Variants in PPP1R9A observed in about 807,000 individuals in gnomAD.
The protein encoded by PPP1R9A is protein phosphatase 1 regulatory subunit 9A.
PPP1R9A carries 59 observed loss-of-function variants against 141.9 expected under a neutral mutation model. The ratio of observed to expected loss-of-function variants is 0.42; its 90% confidence interval spans 0.34 to 0.52. The LOEUF (loss-of-function observed/expected upper bound fraction) is 0.52. Among genes scored for constraint, PPP1R9A ranks in the 20% least tolerant of loss-of-function variants. The pLI, the probability that PPP1R9A is intolerant of heterozygous loss-of-function variation, is 0.10. For missense variants in PPP1R9A, 1,444 were observed against 1,611.9 expected (o/e 0.90, Z 1.78); for synonymous variants, 500 against 569.7 (o/e 0.88, Z 1.74).
At chr7:95,139,572 C>T (rs1356224565) in intron 4 of PPP1R9A, among the ~76,000 whole-genome samples, 1 of 152,104 alleles carries the variant, frequency 6.6e-6, no homozygotes, top group Non-Finnish European at 1.5e-5. Flanking sequence ...TATTCTGTTG[C>T]AGTGAGGCAG....
intron 8 of PPP1R9A, among the ~76,000 whole-genome samples, chr7:95,238,323 G>A (rs936287481): frequency 2.0e-5 from 3 of 152,042 alleles, no homozygotes; most frequent in African/African-American, 7.2e-5. Context: ...TACACCAAAG[G>A]TTTCTACCAA....
chr7:95,024,989 C>CAT lies in PPP1R9A; in HGVS notation c.1396-86269_1396-86268insTA, dbSNP rs559104940. 6.1e-3 allele frequency among the ~76,000 whole-genome samples: 923 copies of CAT among 152,224 alleles called. 10 individuals carry two copies. Among genetic ancestry groups the CAT allele is most frequent in the African/African-American group, 0.021 (859 of 41,524 alleles). The stretch of plus-strand genomic sequence containing the variant: ...CAGGCCTGGTTGTGAGAAAATCTCT[C>CAT]AGCCTTTGCTTGTCTGTGAAGGATT... On this transcript the variant is annotated intron_variant, in intron 2 of 19. Coordinates refer to ENST00000433360, the MANE Select transcript of PPP1R9A (RefSeq NM_001166160.2).
At chr7:94,934,752 C>CAT (rs1189412759) in intron 2 of PPP1R9A, among the ~76,000 whole-genome samples, 1 of 150,788 alleles carries the variant, frequency 6.6e-6, no homozygotes, top group Non-Finnish European at 1.5e-5. Context: ...CGTCTATATA[C>CAT]ATATATATGT....
At chr7:95,041,116 C>T (rs756036161) in intron 2 of PPP1R9A, among the ~76,000 whole-genome samples, 20 of 152,020 alleles carry the variant, frequency 1.3e-4, no homozygotes, top group Non-Finnish European at 2.2e-4. Flanking sequence ...GAAGGAAGAA[C>T]GTGAACATTT....
chr7:95,013,896 A>T (rs186942475), intron 2 of PPP1R9A, among the ~76,000 whole-genome samples: 1 of 152,230 alleles, frequency 6.6e-6, no homozygotes, highest in Non-Finnish European at 1.5e-5. Context: ...AGATTGTAGA[A>T]AGAATTACAG....
chr7:95,285,336 T>G (rs1805082311), intron 17 of PPP1R9A, among the ~76,000 whole-genome samples: 1 of 152,228 alleles, frequency 6.6e-6, no homozygotes, highest in Non-Finnish European at 1.5e-5. Flanking sequence ...GAAGTTTTGA[T>G]AGCAGCACAT....
At chr7:95,144,429 G>C (rs560572349) in intron 4 of PPP1R9A, among the ~76,000 whole-genome samples, 8 of 151,348 alleles carry the variant, frequency 5.3e-5, no homozygotes, top group African/African-American at 1.9e-4. Context: ...TCCATATTTT[G>C]GCTATTGTGT....
At chr7:95,093,479 C>A (rs1817625224) in intron 2 of PPP1R9A, among the ~76,000 whole-genome samples, 1 of 152,156 alleles carries the variant, frequency 6.6e-6, no homozygotes, top group African/African-American at 2.4e-5. Context: ...TTACCCTTGA[C>A]TGTAGCATTT....
intron 2 of PPP1R9A, among the ~76,000 whole-genome samples, chr7:95,022,293 A>T (rs982858887): frequency 6.6e-6 from 1 of 152,110 alleles, no homozygotes; most frequent in Non-Finnish European, 1.5e-5. Flanking sequence ...GATGTATAGG[A>T]ATGCTTGTGA....
intron 2 of PPP1R9A, among the ~76,000 whole-genome samples, chr7:95,075,698 G>C (rs946623947): frequency 6.6e-6 from 1 of 152,132 alleles, no homozygotes; most frequent in Non-Finnish European, 1.5e-5. Context: ...TTAGCCTGGT[G>C]TGGTGGCGGG....
chr7:95,231,023 C>T (rs1008340784), intron 8 of PPP1R9A, among the ~76,000 whole-genome samples: 4 of 151,980 alleles, frequency 2.6e-5, no homozygotes, highest in African/African-American at 4.8e-5. Context: ...TCACCTAACA[C>T]GTAAGGACTC....
At chr7:95,077,161 G>A (rs1330430685) in intron 2 of PPP1R9A, among the ~76,000 whole-genome samples, 2 of 152,046 alleles carry the variant, frequency 1.3e-5, no homozygotes, top group East Asian at 3.8e-4. Flanking sequence ...AGTAAGCAAT[G>A]ATTGTTATGA....
chr7:95,109,631 G>C (rs1452908097), intron 2 of PPP1R9A, among the ~76,000 whole-genome samples: 2 of 152,042 alleles, frequency 1.3e-5, no homozygotes, highest in Non-Finnish European at 2.9e-5. Context: ...GCTTGAGCCT[G>C]GGAATTCAAG....
rs1417092860 is a variant in PPP1R9A, at chr7:95,283,159, A to C, written c.3297-859A>C. Among the ~76,000 whole-genome samples the C allele has an allele frequency of 2.0e-5, 3 of 152,122 alleles. No homozygotes were observed. In the East Asian group the frequency reaches 5.8e-4, roughly 29 times the overall value. On this transcript the variant is annotated intron_variant, in intron 16 of 19. Transcript: ENST00000433360. ...GTTCCTACTTTGGTTTCTGATAGTTATTTTTTCTCTTAACCAAAAGATAAT... is the reference window on the plus strand; with the variant it reads ...GTTCCTACTTTGGTTTCTGATAGTTCTTTTTTCTCTTAACCAAAAGATAAT...
At chr7:94,934,841 T>C (rs1249074097) in intron 2 of PPP1R9A, among the ~76,000 whole-genome samples, 1 of 148,540 alleles carries the variant, frequency 6.7e-6, no homozygotes, top group Non-Finnish European at 1.5e-5. Flanking sequence ...TATATGTACG[T>C]ATACATACAC....
At chr7:95,034,630 G>C (rs1808190991) in intron 2 of PPP1R9A, among the ~76,000 whole-genome samples, 1 of 152,108 alleles carries the variant, frequency 6.6e-6, no homozygotes. Flanking sequence ...AGGGATTACA[G>C]GCATGAGCCA....
intron 5 of PPP1R9A, among the ~76,000 whole-genome samples, chr7:95,189,852 T>C (rs571224767): frequency 2.6e-5 from 4 of 152,324 alleles, no homozygotes; most frequent in Admixed American, 2.0e-4. Context: ...AATTTTCCAG[T>C]GCCTTTTTTT....
chr7:94,924,251 T>G (rs1011127348), intron 2 of PPP1R9A, among the ~76,000 whole-genome samples: 1 of 152,202 alleles, frequency 6.6e-6, no homozygotes, highest in African/African-American at 2.4e-5. Context: ...AGTGATATCT[T>G]TTTTTAGTTA....
chr7:95,073,932 ACGCT>A (rs201471154), intron 2 of PPP1R9A, among the ~76,000 whole-genome samples: 3,685 of 152,106 alleles, frequency 0.024, 163 homozygotes, highest in African/African-American at 0.085. Flanking sequence ...ACACTCACAC[ACGCT>A]ATTAGGCAAC....
Sources: gnomAD v4.1 joint callset for allele counts (sites outside exome capture counted in the v4.1 genomes callset) on GRCh38, gnomAD v4.1.1 for gene constraint, MANE v1.5 for transcripts, NCBI Gene and HGNC (gene_info 2026-07-23, HGNC 2026-07-21) for gene names.